Variants in EIF2D observed in about 807,000 individuals in gnomAD.
EIF2D encodes the protein hepatocellular carcinoma-associated antigen 56.
In EIF2D, 56 loss-of-function variants were observed where a neutral mutation model predicts 77.4. That is an observed-to-expected ratio of 0.72 (90% confidence interval 0.58 to 0.90). EIF2D has a LOEUF of 0.90. Ranked by LOEUF, EIF2D falls within the 40% of genes least tolerant of loss-of-function variation. The pLI, the probability that EIF2D is intolerant of heterozygous loss-of-function variation, is 0.00. For synonymous variants in EIF2D, 230 were observed against 271.0 expected (o/e 0.85, Z 1.49); for missense variants, 574 against 706.5 (o/e 0.81, Z 2.13).
At chr1:206,589,666 T>G (rs1669280198), downstream of EIF2D, among the ~76,000 whole-genome samples, 1 of 152,194 alleles carries the variant, frequency 6.6e-6, no homozygotes, top group Non-Finnish European at 1.5e-5. Context: ...AAGGAATAGA[T>G]CTTTAAAAGT....
downstream of EIF2D, chr1:206,587,039 T>C: frequency 6.3e-7 from 1 of 1,589,344 alleles, no homozygotes; most frequent in Non-Finnish European, 8.6e-7. Flanking sequence ...AATTATTATT[T>C]TGCAACAGAC....
At chr1:206,603,288 A>C (rs1670021119) in intron 5 of EIF2D, 84 bp from the exon 6 acceptor site, 3 of 1,533,026 alleles carry the variant, frequency 2.0e-6, no homozygotes, top group South Asian at 1.3e-5. Flanking sequence ...CAGTGAGGTC[A>C]GAGACAGCAG....
Position 206,592,751 on chromosome 1 carries a change from G to A in EIF2D, c.1684+868C>T, listed in dbSNP as rs1466318751. ...AAGCTGACTCAGGCAGAGATGTGAA[G>A]GCTGGTTTGAAGTGAGGAAAAACGG... On this transcript the variant is annotated intron_variant, in intron 14 of 14. Coordinates refer to ENST00000271764, the MANE Select transcript of EIF2D (RefSeq NM_006893.3). This position sits in a 1 kb window ranked among gnomAD's most constrained non-coding sequence, Gnocchi z 4.7. Among the ~76,000 whole-genome samples, 1 of 152,206 alleles carries A rather than the reference G, an allele frequency of 6.6e-6. No homozygotes were observed. The highest frequency in any genetic ancestry group is 1.5e-5 in the Non-Finnish European group (1 of 68,046).
chr1:206,609,364 G>GAATC lies in EIF2D; in HGVS notation c.331+8_331+11dup, dbSNP rs1553413379. ...TTCAGCCAATAGCCAGAATATAGGA[G>GAATC]AATCCTCTTACCTGCTCCCCCTACC... On this transcript the variant is annotated intron_variant, in intron 3 of 14. Transcript: ENST00000271764. 1 of 1,612,962 alleles carries GAATC rather than the reference G, an allele frequency of 6.2e-7. No individual in the cohort carries two copies. The highest frequency in any genetic ancestry group is 8.5e-7 in the Non-Finnish European group (1 of 1,179,118).
Position 206,584,588 on chromosome 1 carries a change from G to A in EIF2D, c.139-3426C>T, listed in dbSNP as rs782455588. On this transcript the variant is annotated intron_variant and NMD_transcript_variant, in intron 2 of 5. Coordinates refer to the EIF2D transcript ENST00000472709. This position sits in a 1 kb window ranked among gnomAD's most constrained non-coding sequence, Gnocchi z 4.9. ...GCTGCACATCAGCAGCACCACCACC[G>A]TCAGTGAGGTCATCCAGGGGCTGCT... 15 of 1,614,200 alleles carry A rather than the reference G, an allele frequency of 9.3e-6. No individual in the cohort carries two copies. Among genetic ancestry groups the A allele is most frequent in the South Asian group, 2.2e-5 (2 of 91,092 alleles).
chr1:206,580,290 G>A (rs1668818926), intron 4 of EIF2D, among the ~76,000 whole-genome samples: 1 of 152,220 alleles, frequency 6.6e-6, no homozygotes. Flanking sequence ...ACGGGGAAAT[G>A]GCTCTAGCTT....
intron 13 of EIF2D, 121 bp downstream of exon 13, chr1:206,595,597 C>T (rs1390775065): frequency 1.6e-6 from 2 of 1,289,184 alleles, no homozygotes; most frequent in Non-Finnish European, 2.1e-6. Context: ...ACGGGTGTTT[C>T]ATAAAAAAAT....
At chr1:206,598,017 T>TG (rs1427778111) in intron 11 of EIF2D, among the ~76,000 whole-genome samples, 2 of 152,132 alleles carry the variant, frequency 1.3e-5, no homozygotes, top group African/African-American at 4.8e-5. Flanking sequence ...TTTTTTATCA[T>TG]GATGATGTTT....
intron 5 of EIF2D, 138 bp from the exon 6 acceptor site, chr1:206,603,342 T>A: frequency 8.6e-7 from 1 of 1,157,700 alleles, no homozygotes; most frequent in South Asian, 1.6e-5. Context: ...AGAGAGCCTG[T>A]GCCCTCATCT....
At position 206,584,699 on chromosome 1, in the gene EIF2D, G is replaced by A. The variant is rs1553407212; in HGVS notation, c.139-3537C>T. On this transcript the variant is annotated intron_variant and NMD_transcript_variant, in intron 2 of 5. Coordinates refer to the EIF2D transcript ENST00000472709. This position sits in a 1 kb window ranked among gnomAD's most constrained non-coding sequence, Gnocchi z 4.9. ...GGACGGACAAGGTAGGAGAAAGAGT[G>A]AACCCAACCAGACCGTTCCCTTCCT... 2 of 1,613,952 alleles carry A rather than the reference G, an allele frequency of 1.2e-6. No individual in the cohort carries two copies. Among genetic ancestry groups the A allele is most frequent in the African/African-American group, 2.7e-5 (2 of 74,914 alleles).
In EIF2D at chr1:206,599,705, G is replaced by A. The variant is rs781961366; in HGVS notation, c.1052+28C>T. ...GCCCAGGTGCCCTGGGGCCAGCTGG[G>A]CTACAGTGACAGGCCCCCTGCACTC... On this transcript the variant is annotated intron_variant, in intron 9 of 14. Coordinates refer to ENST00000271764, the MANE Select transcript of EIF2D (RefSeq NM_006893.3). This position sits in a 1 kb window ranked among gnomAD's most constrained non-coding sequence, Gnocchi z 4.1. 12 of 1,613,756 alleles carry A rather than the reference G, an allele frequency of 7.4e-6. No individual in the cohort carries two copies. The highest frequency in any genetic ancestry group is 1.1e-5 in the South Asian group (1 of 91,070).
downstream of EIF2D, chr1:206,571,280 CAG>C (rs1668439731): frequency 9.1e-6 from 1 of 110,382 alleles, no homozygotes; most frequent in African/African-American, 3.1e-5. Context: ...ATTTTTTCAT[CAG>C]GTTTTTTTTT....
chr1:206,608,366 C>T, intron 3 of EIF2D, 40 bp from the exon 4 acceptor site: 1 of 1,546,444 alleles, frequency 6.5e-7, no homozygotes, highest in Non-Finnish European at 8.9e-7. Context: ...CATTCAGCCT[C>T]CATCTCACTC....
Position 206,603,205 on chromosome 1 carries a change from C to A in EIF2D, c.531-1G>T. ...TGGAGAGGACTTGTTTCCAGACCGC[C>A]TGGAAAAATCTCATGTCAGAAACAT... On this transcript the variant is annotated splice_acceptor_variant, in intron 5 of 14. Transcript: ENST00000271764. LOFTEE classifies it high-confidence loss of function. 1 of 1,611,862 alleles carries A rather than the reference C, an allele frequency of 6.2e-7. No homozygotes were observed. The highest frequency in any genetic ancestry group is 8.5e-7 in the Non-Finnish European group (1 of 1,178,172).
rs140711016 is a variant in EIF2D at position 206,582,104 on chromosome 1, C to T, written c.139-942G>A. ...CTGGGTGGGTTCTGACCAACCAGTTCCCACACTCCCAGCCACTCAGGGACA... is the reference window on the plus strand; with the variant it reads ...CTGGGTGGGTTCTGACCAACCAGTTTCCACACTCCCAGCCACTCAGGGACA... On this transcript the variant is annotated intron_variant and NMD_transcript_variant, in intron 2 of 5. Transcript: ENST00000472709. 3.3e-3 allele frequency among the ~76,000 whole-genome samples: 509 copies of T among 152,272 alleles called. 4 individuals carry two copies. The highest frequency in any genetic ancestry group is 0.012 in the African/African-American group (485 of 41,538).
intron 4 of EIF2D, among the ~76,000 whole-genome samples, chr1:206,576,136 CAT>C (rs1292713008): frequency 6.6e-6 from 1 of 152,228 alleles, no homozygotes; most frequent in Non-Finnish European, 1.5e-5. Context: ...ATGGGATTAA[CAT>C]GTGAAACAAT....
At chr1:206,595,087 G>A (rs1669582023) in intron 13 of EIF2D, 1 of 152,198 alleles carries the variant, frequency 6.6e-6, no homozygotes, top group Admixed American at 6.5e-5. Context: ...CATGCTCAAG[G>A]TCAGGCAGTG....
chr1:206,605,586 T>C (rs1670169080), intron 4 of EIF2D, 79 bp from the exon 5 acceptor site: 4 of 1,265,362 alleles, frequency 3.2e-6, no homozygotes, highest in Non-Finnish European at 2.3e-6. Flanking sequence ...TTCTGACACA[T>C]GTGGTAAAAA....
At chr1:206,597,484 G>A (rs1669705696) in intron 11 of EIF2D, among the ~76,000 whole-genome samples, 1 of 152,214 alleles carries the variant, frequency 6.6e-6, no homozygotes, top group Non-Finnish European at 1.5e-5. Context: ...CATCAAAATT[G>A]GCTAGTGAGG....
Sources: gnomAD v4.1 joint callset for allele counts (sites outside exome capture counted in the v4.1 genomes callset) on GRCh38, gnomAD v4.1.1 for gene constraint, Gnocchi (gnomAD v3.1) non-coding constraint, MANE v1.5 for transcripts, NCBI Gene and HGNC (gene_info 2026-07-23, HGNC 2026-07-21) for gene names.